Variants in CHL1 observed in about 807,000 individuals in gnomAD.
CHL1 encodes the protein neural cell adhesion molecule L1-like protein.
Under a neutral mutation model 141.9 loss-of-function variants are expected in CHL1, and 96 were observed. The ratio of observed to expected loss-of-function variants is 0.68; its 90% CI spans 0.57 to 0.80. The LOEUF (loss-of-function observed/expected upper bound fraction) is 0.80. Ranked by LOEUF, CHL1 falls within the 30% of genes least tolerant of loss-of-function variation. The pLI is 0.00. For missense variants in CHL1, 1,820 were observed against 1,457.2 expected (o/e 1.25, Z -4.05); for synonymous variants, 613 against 502.2 (o/e 1.22, Z -2.95).
chr3:232,658 A>G (rs1701967436), intron 1 of CHL1, among the ~76,000 whole-genome samples: 1 of 152,104 alleles, frequency 6.6e-6, no homozygotes, highest in Non-Finnish European at 1.5e-5. Flanking sequence ...AATAATAATT[A>G]TCATTAGGTT....
chr3:398,539 T>C (rs1708864305), intron 25 of CHL1, among the ~76,000 whole-genome samples, 154 bp downstream of exon 25: 1 of 152,226 alleles, frequency 6.6e-6, no homozygotes, highest in Non-Finnish European at 1.5e-5. Flanking sequence ...TTTTAAATTA[T>C]CAAAATGAAA....
intron 15 of CHL1, among the ~76,000 whole-genome samples, chr3:377,550 T>C (rs1345891377): frequency 6.6e-6 from 1 of 152,194 alleles, no homozygotes; most frequent in Non-Finnish European, 1.5e-5. Flanking sequence ...CAACATACAG[T>C]TCCATCACTG....
intron 27 of CHL1, among the ~76,000 whole-genome samples, chr3:403,039 T>G (rs1709268911): frequency 6.6e-6 from 1 of 152,232 alleles, no homozygotes; most frequent in African/African-American, 2.4e-5. Flanking sequence ...TGACCAGGGC[T>G]ATGGTTTCAT....
intron 5 of CHL1, among the ~76,000 whole-genome samples, chr3:336,116 CCAAGCAGCTGACTTCAG>C (rs1388982405): frequency 6.6e-6 from 1 of 152,016 alleles, no homozygotes; most frequent in Non-Finnish European, 1.5e-5. Context: ...GGACGCAGGC[CCAAGCAGCTGACTTCAG>C]TGTTTATGGA....
At chr3:224,995 G>C (rs1473691233) in intron 1 of CHL1, among the ~76,000 whole-genome samples, 2 of 152,080 alleles carry the variant, frequency 1.3e-5, no homozygotes, top group African/African-American at 4.8e-5. Context: ...AATTAGCCAG[G>C]TGTGGTGGCT....
chr3:345,441 C>CATTT (rs530553795), intron 9 of CHL1, among the ~76,000 whole-genome samples: 122 of 115,228 alleles, frequency 1.1e-3, no homozygotes, highest in African/African-American at 3.9e-3. Flanking sequence ...AAAAGCAATC[C>CATTT]ATTTATTTAT....
intron 1 of CHL1, among the ~76,000 whole-genome samples, chr3:236,408 A>C (rs968968596): frequency 1.3e-5 from 2 of 152,116 alleles, no homozygotes; most frequent in Non-Finnish European, 2.9e-5. Flanking sequence ...TCAGCCTTCT[A>C]TAGGGAAGGG....
chr3:394,674 T>C lies in CHL1; in HGVS notation c.2915-19T>C, dbSNP rs1708519710. ...ATGGTTAAATACATTTGAGCTGTTGTTCATGTTTATTTTTTTAGTAAATGA... is the reference window on the plus strand; with the variant it reads ...ATGGTTAAATACATTTGAGCTGTTGCTCATGTTTATTTTTTTAGTAAATGA... On this transcript the variant is annotated intron_variant, in intron 23 of 27. Transcript: ENST00000256509. 1 of 1,561,396 alleles carries C rather than the reference T, an allele frequency of 6.4e-7. No individual in the cohort carries two copies. Among genetic ancestry groups the C allele is most frequent in the African/African-American group, 1.4e-5 (1 of 73,186 alleles).
intron 2 of CHL1, among the ~76,000 whole-genome samples, chr3:256,499 A>T (rs1694188681): frequency 6.6e-6 from 1 of 152,176 alleles, no homozygotes; most frequent in South Asian, 2.1e-4. Flanking sequence ...GCCCTTCAGG[A>T]GCATTTGGTA....
intron 19 of CHL1, among the ~76,000 whole-genome samples, chr3:385,091 T>C (rs1375021450): frequency 1.3e-5 from 2 of 152,226 alleles, no homozygotes; most frequent in East Asian, 3.8e-4. Flanking sequence ...TACTACTACA[T>C]TGTCTTGATA....
Position 407,383 on chromosome 3 carries a change from C to G in CHL1, c.*1672C>G, listed in dbSNP as rs947159826. ...TATCTACTTGTCCTTTTGAACCTCA[C>G]GAGTCATCCAGAATGTATAGACAGG... On this transcript the variant is annotated 3_prime_UTR_variant, in exon 28 of 28. Coordinates refer to ENST00000256509, the MANE Select transcript of CHL1 (RefSeq NM_006614.4). The G allele has an allele frequency of 6.6e-6, 1 of 152,162 alleles. No individual in the cohort carries two copies. Among genetic ancestry groups the G allele is most frequent in the Middle Eastern group, 3.4e-3 (1 of 294 alleles). 9.4% of individuals were successfully genotyped at this position (152,162 alleles called of 1,614,324 possible). A position where few individuals can be genotyped will look rare whatever the true frequency, so the allele number is the denominator to read the frequency against.
At chr3:324,991 T>C (rs1191705363) in intron 3 of CHL1, among the ~76,000 whole-genome samples, 1 of 151,970 alleles carries the variant, frequency 6.6e-6, no homozygotes, top group African/African-American at 2.4e-5. Context: ...GAAGAATCTA[T>C]TAATGCCATT....
intron 9 of CHL1, among the ~76,000 whole-genome samples, chr3:347,436 A>T (rs1455967418): frequency 6.6e-6 from 1 of 152,178 alleles, no homozygotes; most frequent in Non-Finnish European, 1.5e-5. Context: ...AGAGCTGAAA[A>T]TTTTTGCCAT....
At chr3:198,426 C>A (rs772373318) in intron 1 of CHL1, among the ~76,000 whole-genome samples, 3 of 152,182 alleles carry the variant, frequency 2.0e-5, no homozygotes, top group African/African-American at 7.2e-5. Flanking sequence ...GTGGGCCCCC[C>A]GGGCTCGCTC....
chr3:363,423 T>A (rs986372138), intron 14 of CHL1, 40 bp downstream of exon 14: 16 of 1,558,112 alleles, frequency 1.0e-5, no homozygotes, highest in Non-Finnish European at 4.4e-6. Context: ...AATTGTCACA[T>A]GGGTTCAGTC....
intron 2 of CHL1, among the ~76,000 whole-genome samples, chr3:300,595 T>G (rs918746486): frequency 6.6e-6 from 1 of 152,174 alleles, no homozygotes; most frequent in African/African-American, 2.4e-5. Flanking sequence ...GCCTATTCTG[T>G]GCAAGGCAAT....
At chr3:216,965 A>G (rs1700374880) in intron 1 of CHL1, among the ~76,000 whole-genome samples, 1 of 152,202 alleles carries the variant, frequency 6.6e-6, no homozygotes, top group Non-Finnish European at 1.5e-5. Context: ...GGAATTAGTT[A>G]TGTGCCATTT....
At chr3:404,007 G>A (rs1489013897) in intron 27 of CHL1, among the ~76,000 whole-genome samples, 4 of 152,132 alleles carry the variant, frequency 2.6e-5, no homozygotes, top group Non-Finnish European at 5.9e-5. Context: ...TCAGTCAGGG[G>A]AGCCTGTGTT....
At chr3:269,107 G>C (rs1487864880) in intron 2 of CHL1, among the ~76,000 whole-genome samples, 3 of 152,180 alleles carry the variant, frequency 2.0e-5, no homozygotes, top group Non-Finnish European at 4.4e-5. Flanking sequence ...CTTCTTAAGA[G>C]TTGAAAGAAA....
Sources: allele counts gnomAD v4.1 joint callset (sites outside exome capture counted in the v4.1 genomes callset), GRCh38; gene constraint gnomAD v4.1.1; transcripts MANE v1.5; gene names NCBI Gene and HGNC (gene_info 2026-07-23, HGNC 2026-07-21).